The following TENM1 variants were observed in gnomAD, a reference collection of about 807,000 sequenced individuals.
TENM1 encodes the protein teneurin transmembrane protein 1.
TENM1 carries 35 observed loss-of-function variants against 174.8 expected under a neutral mutation model. That is an observed-to-expected ratio of 0.20 (90% confidence interval 0.15 to 0.27). TENM1 has a LOEUF of 0.27. Ranked by LOEUF, TENM1 falls within the 10% of genes least tolerant of loss-of-function variation. The pLI is 1.00. For missense variants in TENM1, 1,633 were observed against 2,130.1 expected (o/e 0.77, Z 4.59); for synonymous variants, 781 against 798.7 (o/e 0.98, Z 0.37).
chrX:124,683,543 G>C (rs1008628683), intron 5 of TENM1, among the ~76,000 whole-genome samples: 3 of 111,576 alleles, frequency 2.7e-5, no homozygotes, highest in African/African-American at 9.8e-5. Context: ...GAGAGAAATG[G>C]GAACTCTGTA....
intron 22 of TENM1, among the ~76,000 whole-genome samples, chrX:124,462,094 A>C (rs1025518233): frequency 9.3e-6 from 1 of 108,046 alleles, no homozygotes. Flanking sequence ...TTTCTTTCTG[A>C]GAACAGAGTT....
At chrX:124,951,674 A>ATATATATATATATATAT in intron 1 of TENM1, among the ~76,000 whole-genome samples, 1 of 9,373 alleles carries the variant, frequency 1.1e-4, no homozygotes, top group African/African-American at 1.5e-4. Flanking sequence ...ATATATATAT[A>ATATATATATATATATAT]ACAATCAATG....
the TENM1 span, among the ~76,000 whole-genome samples, chrX:124,984,833 C>T: frequency 9.8e-5 from 11 of 111,915 alleles, no homozygotes; most frequent in Non-Finnish European, 1.7e-4. Context: ...TTGTAGTATT[C>T]ATGTCCTTAT....
At chrX:125,065,333 A>G in the TENM1 span, among the ~76,000 whole-genome samples, 1 of 111,922 alleles carries the variant, frequency 8.9e-6, no homozygotes, top group African/African-American at 3.2e-5. Context: ...ATCTTTAACA[A>G]GCGTTTTTCT....
At chrX:125,016,529 G>A in the TENM1 span, among the ~76,000 whole-genome samples, 1 of 111,015 alleles carries the variant, frequency 9.0e-6, no homozygotes, top group Non-Finnish European at 1.9e-5. Flanking sequence ...CCTCTTCAAG[G>A]AGAACTACAA....
chrX:125,056,614 G>A, the TENM1 span, among the ~76,000 whole-genome samples: 1 of 111,092 alleles, frequency 9.0e-6, no homozygotes, highest in Non-Finnish European at 1.9e-5. Flanking sequence ...GACCTAGAAT[G>A]ATGCTTCTTA....
intron 3 of TENM1, among the ~76,000 whole-genome samples, chrX:124,764,681 G>GTT (rs201275180): frequency 2.3e-5 from 2 of 88,715 alleles, no homozygotes; most frequent in East Asian, 3.6e-4. Context: ...TGTTTGGACT[G>GTT]TTTTTTTTTT....
At chrX:125,203,316 G>T in the TENM1 span, among the ~76,000 whole-genome samples, 1 of 112,757 alleles carries the variant, frequency 8.9e-6, no homozygotes, top group African/African-American at 3.2e-5. Context: ...GCTCCAGGGT[G>T]GGAGGGATGC....
chrX:125,180,026 T>C, the TENM1 span, among the ~76,000 whole-genome samples: 2 of 98,214 alleles, frequency 2.0e-5, no homozygotes, highest in African/African-American at 7.5e-5. Context: ...TACTGACGTC[T>C]TTCTCTAGTT....
chrX:124,900,098 C>T (rs776680485), intron 1 of TENM1, among the ~76,000 whole-genome samples: 1 of 112,479 alleles, frequency 8.9e-6, no homozygotes, highest in African/African-American at 3.2e-5. Context: ...CAAAGTTGTT[C>T]ATACCAGCTT....
intron 23 of TENM1, among the ~76,000 whole-genome samples, chrX:124,439,622 C>T (rs1018418632): frequency 1.8e-5 from 2 of 111,252 alleles, no homozygotes; most frequent in Non-Finnish European, 3.8e-5. Flanking sequence ...AGATATATGC[C>T]TCTCTGTAAA....
At chrX:124,582,718 G>A (rs2049356844) in intron 11 of TENM1, among the ~76,000 whole-genome samples, 1 of 111,931 alleles carries the variant, frequency 8.9e-6, no homozygotes. Context: ...TGTGCGAGCT[G>A]AAGCAGGGCG....
At chrX:124,504,793 G>T (rs914294867) in intron 18 of TENM1, among the ~76,000 whole-genome samples, 10 of 111,826 alleles carry the variant, frequency 8.9e-5, no homozygotes, top group African/African-American at 3.3e-4. Context: ...AACAATGCCA[G>T]AACAATAGGT....
chrX:124,670,050 G>A, intron 6 of TENM1, among the ~76,000 whole-genome samples: 1 of 111,707 alleles, frequency 9.0e-6, no homozygotes, highest in Non-Finnish European at 1.9e-5. Flanking sequence ...TTCTCATTTG[G>A]ACAATGGGGA....
chrX:124,753,816 G>C (rs1307259434), intron 3 of TENM1, among the ~76,000 whole-genome samples: 11 of 111,756 alleles, frequency 9.8e-5, no homozygotes, highest in African/African-American at 3.6e-4. Context: ...TATCGAACCA[G>C]CCTTGCATCC....
rs2055745238 is a variant in TENM1, at chrX:124,810,665, A to G, written c.536-73468T>C. ...CAATATAATTCCTACCAAAATACTA[A>G]TGACATTCTTTACAGAAATAGAAAA... On this transcript the variant is annotated intron_variant, in intron 3 of 31. Coordinates refer to ENST00000422452, the Ensembl canonical transcript of TENM1. Among the ~76,000 whole-genome samples, 3 of 111,604 alleles carry G rather than the reference A, an allele frequency of 2.7e-5. No individual in the cohort carries two copies. The South Asian group carries it at 1.1e-3, about 41-fold the overall frequency.
At chrX:124,444,306 G>T (rs2060942079) in intron 23 of TENM1, among the ~76,000 whole-genome samples, 1 of 112,146 alleles carries the variant, frequency 8.9e-6, no homozygotes, top group Admixed American at 9.4e-5. Flanking sequence ...GCAGTATGTT[G>T]TAAATCACTA....
chrX:124,582,964 T>G lies in TENM1; in HGVS notation c.2078-17404A>C, dbSNP rs1408651462. Among the ~76,000 whole-genome samples the G allele has an allele frequency of 3.6e-5, 4 of 112,258 alleles. No homozygotes were observed. In the East Asian group the frequency reaches 8.5e-4, roughly 24 times the overall value. ...GCAGTCTGAGATCAAATTGCAAGAC[T>G]GCAGCGACGCTGGGGGAGGGGCACC... On this transcript the variant is annotated intron_variant, in intron 11 of 31. Transcript: ENST00000422452.
At chrX:124,443,728 C>T (rs1391384764) in intron 23 of TENM1, among the ~76,000 whole-genome samples, 1 of 111,725 alleles carries the variant, frequency 9.0e-6, no homozygotes, top group Non-Finnish European at 1.9e-5. Context: ...TTTACAGACA[C>T]TGTGACTAGA....
Sources: gnomAD v4.1 joint callset for allele counts (sites outside exome capture counted in the v4.1 genomes callset) on GRCh38, gnomAD v4.1.1 for gene constraint, MANE v1.5 for transcripts, NCBI Gene and HGNC (gene_info 2026-07-23, HGNC 2026-07-21) for gene names.